CNTN1: variants seen among roughly 807,000 people sequenced by gnomAD.
CNTN1 encodes the protein contactin 1.
In CNTN1, 38 loss-of-function variants were observed where a neutral mutation model predicts 126.4. The observed-to-expected ratio is 0.30, with a 90% confidence interval of 0.23 to 0.39. The LOEUF (loss-of-function observed/expected upper bound fraction) is 0.39, where lower values mean the gene tolerates loss of function less well. CNTN1 is among the 10% of genes least tolerant of loss of function. The pLI is 1.00. For synonymous variants in CNTN1, 413 were observed against 422.6 expected, an observed-to-expected ratio of 0.98 and a Z score of 0.28; for missense variants, 1,009 against 1,248.4, an observed-to-expected ratio of 0.81 and a Z score of 2.89.
In CNTN1 at chr12:41,016,772, G is replaced by C; in HGVS notation, c.2275G>C (p.Val759Leu). The change falls in exon 19 of 24, where the codon GTT becomes CTT. Residue 759 changes from valine to leucine, a missense_variant. Physicochemically the swap from Val to Leu is conservative, Grantham distance 32 (BLOSUM62 1). Transcript: ENST00000551295. ...FDGEEWKKVT[V>L]TNPDTGRYVH... is the part of the protein sequence containing the mutation. ...TGGAGAAGAATGGAAAAAAGTCACA[G>C]TTACTAATCCTGATACTGGCCGATA... The C allele has an allele frequency of 6.2e-7, 1 of 1,614,110 alleles. No individual in the cohort carries two copies. Among genetic ancestry groups the C allele is most frequent in the Non-Finnish European group, 8.5e-7 (1 of 1,179,994 alleles).
chr12:40,784,770 A>G (rs1246483517), intron 1 of CNTN1, among the ~76,000 whole-genome samples: 2 of 152,148 alleles, frequency 1.3e-5, no homozygotes, highest in Admixed American at 1.3e-4. Flanking sequence ...CTGGGAATAT[A>G]CATCAAAGAA....
At chr12:40,957,792 G>A (rs1027249326) in intron 14 of CNTN1, among the ~76,000 whole-genome samples, 1 of 151,880 alleles carries the variant, frequency 6.6e-6, no homozygotes, top group Non-Finnish European at 1.5e-5. Context: ...TGTGGCCACT[G>A]ATCAGTTCTT....
intron 1 of CNTN1, among the ~76,000 whole-genome samples, chr12:40,739,024 C>A (rs1001527545): frequency 6.6e-6 from 1 of 151,960 alleles, no homozygotes; most frequent in African/African-American, 2.4e-5. Flanking sequence ...GACAGTCATA[C>A]CAGTACCCAG....
At chr12:40,760,782 C>A (rs1334769866) in intron 1 of CNTN1, among the ~76,000 whole-genome samples, 1 of 151,726 alleles carries the variant, frequency 6.6e-6, no homozygotes, top group African/African-American at 2.4e-5. Flanking sequence ...TTATAGGTGA[C>A]AACTTCAAAA....
chr12:40,882,966 T>C (rs1187509308), intron 1 of CNTN1, among the ~76,000 whole-genome samples: 2 of 151,734 alleles, frequency 1.3e-5, no homozygotes, highest in Non-Finnish European at 3.0e-5. Context: ...CAAGCTAGAA[T>C]ATTTAAGATG....
At chr12:40,716,349 T>C (rs142773472) in intron 1 of CNTN1, among the ~76,000 whole-genome samples, 1 of 148,304 alleles carries the variant, frequency 6.7e-6, no homozygotes, top group Non-Finnish European at 1.5e-5. Context: ...TTCCCCTTCC[T>C]CCTCTTCTCC....
At chr12:40,775,164 G>A (rs1179023171) in intron 1 of CNTN1, among the ~76,000 whole-genome samples, 1 of 67,392 alleles carries the variant, frequency 1.5e-5, no homozygotes, top group Admixed American at 1.2e-4. Context: ...ATGTTTAATA[G>A]GAAAGTGGTT....
At chr12:40,990,716 C>G (rs1948078001) in intron 16 of CNTN1, among the ~76,000 whole-genome samples, 1 of 152,202 alleles carries the variant, frequency 6.6e-6, no homozygotes, top group Non-Finnish European at 1.5e-5. Flanking sequence ...ACACATCCAC[C>G]TGGTTCTTCT....
chr12:40,784,444 A>C (rs2136455021), intron 1 of CNTN1, among the ~76,000 whole-genome samples: 1 of 152,292 alleles, frequency 6.6e-6, no homozygotes, highest in Non-Finnish European at 1.5e-5. Context: ...AAATTGAGAT[A>C]GTTTTAAAGA....
chr12:40,800,395 T>G (rs1940601334), intron 1 of CNTN1, among the ~76,000 whole-genome samples: 1 of 151,912 alleles, frequency 6.6e-6, no homozygotes, highest in Non-Finnish European at 1.5e-5. Flanking sequence ...CGTAGTAGTG[T>G]GAGAATGGAC....
intron 1 of CNTN1, among the ~76,000 whole-genome samples, chr12:40,773,117 A>G (rs1055192281): frequency 6.6e-6 from 1 of 151,872 alleles, no homozygotes; most frequent in African/African-American, 2.4e-5. Flanking sequence ...TATATCCACC[A>G]TATGTTGACT....
At chr12:40,965,959 C>CA (rs1947290455) in intron 15 of CNTN1, among the ~76,000 whole-genome samples, 1 of 150,188 alleles carries the variant, frequency 6.7e-6, no homozygotes, top group East Asian at 2.0e-4. Flanking sequence ...ATATACACAC[C>CA]AAGTTAAACA....
At position 41,070,215 on chromosome 12, in the gene CNTN1, C is replaced by A. The variant is rs925679905; in HGVS notation, c.*180C>A. ...CTGAGGCATTCGGGAACCCCTTCAT[C>A]CAAAAGAATAAACTTTTAAATGGAT... On this transcript the variant is annotated 3_prime_UTR_variant, in exon 24 of 24. Transcript: ENST00000551295. 1.6e-6 allele frequency: 1 copy of A among 641,920 alleles called. No individual in the cohort carries two copies. The highest frequency in any genetic ancestry group is 2.8e-6 in the Non-Finnish European group (1 of 358,450). 39.8% of individuals were successfully genotyped at this position (641,920 alleles called of 1,614,324 possible).
chr12:40,975,878 TC>T (rs1338113669), intron 15 of CNTN1, among the ~76,000 whole-genome samples: 3 of 152,252 alleles, frequency 2.0e-5, no homozygotes, highest in Admixed American at 2.0e-4. Context: ...ATTAGTGGTA[TC>T]CACTCTTGAT....
At chr12:40,789,191 G>T (rs997477133) in intron 1 of CNTN1, among the ~76,000 whole-genome samples, 1 of 152,100 alleles carries the variant, frequency 6.6e-6, no homozygotes, top group African/African-American at 2.4e-5. Flanking sequence ...TGCTATGAAA[G>T]TTATTACTCT....
At chr12:40,725,758 T>C (rs544609632) in intron 1 of CNTN1, among the ~76,000 whole-genome samples, 3 of 152,170 alleles carry the variant, frequency 2.0e-5, no homozygotes, top group African/African-American at 7.2e-5. Context: ...CTCTCACTTA[T>C]TGTTTTGGTG....
At chr12:40,804,725 A>G (rs192393909) in intron 1 of CNTN1, among the ~76,000 whole-genome samples, 1 of 152,076 alleles carries the variant, frequency 6.6e-6, no homozygotes, top group East Asian at 1.9e-4. Flanking sequence ...TACCATTTTA[A>G]GAGCTCTTTA....
At position 40,869,011 on chromosome 12, in the gene CNTN1, A is replaced by G. The variant is rs529110733; in HGVS notation, c.-76-39346A>G. The stretch of plus-strand genomic sequence containing the variant: ...TCATTATTCATTTCAGATTTTTTTC[A>G]GAAATATTAAAGTCAATATTTCTGT... On this transcript the variant is annotated intron_variant, in intron 1 of 23. Coordinates refer to ENST00000551295, the MANE Select transcript of CNTN1 (RefSeq NM_001843.4). Among the ~76,000 whole-genome samples, 17 of 152,104 alleles carry G rather than the reference A, an allele frequency of 1.1e-4. No homozygotes were observed. The South Asian group carries it at 3.5e-3, about 32-fold the overall frequency.
chr12:41,000,744 G>A (rs1948337943), intron 17 of CNTN1, among the ~76,000 whole-genome samples: 1 of 152,094 alleles, frequency 6.6e-6, no homozygotes, highest in Non-Finnish European at 1.5e-5. Context: ...ATTAAGCATA[G>A]TACCCATTAG....
Sources: gnomAD v4.1 joint callset for allele counts (sites outside exome capture counted in the v4.1 genomes callset) on GRCh38, gnomAD v4.1.1 for gene constraint, MANE v1.5 for transcripts, NCBI Gene and HGNC (gene_info 2026-07-23, HGNC 2026-07-21) for gene names.